The following DDAH1 variants were observed in gnomAD, a reference collection of about 807,000 sequenced individuals.
DDAH1 encodes dimethylarginine dimethylaminohydrolase 1.
In DDAH1, 19 loss-of-function variants were observed where a neutral mutation model predicts 28.8. The observed-to-expected ratio is 0.66, with a 90% confidence interval of 0.46 to 0.97. The LOEUF (loss-of-function observed/expected upper bound fraction) is 0.97, where lower values mean the gene tolerates loss of function less well. DDAH1 is among the 50% of genes least tolerant of loss of function. DDAH1 has a pLI of 0.00. For missense variants in DDAH1, 326 were observed against 375.9 expected (o/e 0.87, Z 1.10); for synonymous variants, 153 against 154.4 (o/e 0.99, Z 0.07).
chr1:85,510,232 T>A (rs1196982444), intron 1 of DDAH1, among the ~76,000 whole-genome samples: 1 of 152,168 alleles, frequency 6.6e-6, no homozygotes, highest in Non-Finnish European at 1.5e-5. Flanking sequence ...ACCCAGAATT[T>A]CACATCCAGT....
intron 1 of DDAH1, among the ~76,000 whole-genome samples, chr1:85,381,377 C>T (rs1650980805): frequency 6.7e-6 from 1 of 149,790 alleles, no homozygotes; most frequent in South Asian, 2.1e-4. Flanking sequence ...TTTGGGGGAG[C>T]AGGTGATTTT....
chr1:85,456,777 C>A (rs1654900042), intron 1 of DDAH1, among the ~76,000 whole-genome samples: 1 of 152,286 alleles, frequency 6.6e-6, no homozygotes, highest in Non-Finnish European at 1.5e-5. Context: ...TCCTGATACA[C>A]CCTCATGTAA....
intron 1 of DDAH1, among the ~76,000 whole-genome samples, chr1:85,527,648 G>A (rs1657921409): frequency 6.6e-6 from 1 of 152,008 alleles, no homozygotes; most frequent in Non-Finnish European, 1.5e-5. Flanking sequence ...CTAATGAGAG[G>A]GTAGGTACTA....
At chr1:85,476,215 T>C (rs1405653676) in intron 2 of DDAH1, among the ~76,000 whole-genome samples, 1 of 152,226 alleles carries the variant, frequency 6.6e-6, no homozygotes. Context: ...CTTTCTCCTC[T>C]GAATTATCTT....
intron 1 of DDAH1, among the ~76,000 whole-genome samples, chr1:85,395,631 C>A (rs1651773817): frequency 6.6e-6 from 1 of 150,840 alleles, no homozygotes; most frequent in Non-Finnish European, 1.5e-5. Context: ...GAGATCGCAC[C>A]ATTGCACTCC....
chr1:85,556,934 T>C (rs1007923641), intron 1 of DDAH1, among the ~76,000 whole-genome samples: 7 of 152,186 alleles, frequency 4.6e-5, no homozygotes, highest in Non-Finnish European at 1.0e-4. Flanking sequence ...CTGGCCAACA[T>C]GGTGAAATCC....
At chr1:85,502,376 A>G (rs1656851103) in intron 1 of DDAH1, among the ~76,000 whole-genome samples, 1 of 152,228 alleles carries the variant, frequency 6.6e-6, no homozygotes, top group East Asian at 1.9e-4. Flanking sequence ...ATTCTTGAGA[A>G]TGATACTGAA....
intron 1 of DDAH1, among the ~76,000 whole-genome samples, chr1:85,373,566 C>T (rs1269406528): frequency 6.6e-6 from 1 of 152,022 alleles, no homozygotes; most frequent in African/African-American, 2.4e-5. Flanking sequence ...TTCCTGTTAC[C>T]TTGTGAAGAA....
chr1:85,410,061 ACTTGAGC>A (rs1652576879), intron 1 of DDAH1, among the ~76,000 whole-genome samples: 1 of 151,960 alleles, frequency 6.6e-6, no homozygotes, highest in African/African-American at 2.4e-5. Context: ...CGGGAGGATC[ACTTGAGC>A]CCAGGAGTTC....
Position 85,360,670 on chromosome 1 carries a change from G to A in DDAH1, c.304-1823C>T, listed in dbSNP as rs540335354. Among the ~76,000 whole-genome samples the A allele has an allele frequency of 3.9e-5, 6 of 152,246 alleles. No homozygotes were observed. The South Asian group carries it at 1.2e-3, about 32-fold the overall frequency. ...AATAACATAAATTTTGGTTTGAAAA[G>A]TTTGTATGTAACTATGCAACATTTC... is the stretch of plus-strand genomic sequence containing the variant. On this transcript the variant is annotated intron_variant, in intron 1 of 5. Transcript: ENST00000284031.
intron 1 of DDAH1, among the ~76,000 whole-genome samples, chr1:85,382,699 C>T (rs1370001593): frequency 6.6e-6 from 1 of 152,214 alleles, no homozygotes; most frequent in African/African-American, 2.4e-5. Context: ...AGCTTCAAAA[C>T]ACAGGCTGAC....
intron 2 of DDAH1, among the ~76,000 whole-genome samples, chr1:85,472,311 TA>T (rs1354093559): frequency 1.3e-5 from 2 of 152,210 alleles, no homozygotes; most frequent in Non-Finnish European, 2.9e-5. Flanking sequence ...CATTAGATCA[TA>T]CCTTTTTGGT....
intron 1 of DDAH1, among the ~76,000 whole-genome samples, chr1:85,368,352 T>C (rs1295437667): frequency 2.0e-5 from 3 of 152,166 alleles, no homozygotes; most frequent in South Asian, 4.1e-4. Context: ...AAAAGCACTC[T>C]GGACAAAACT....
At chr1:85,329,538 T>C (rs1647635497) in intron 4 of DDAH1, among the ~76,000 whole-genome samples, 1 of 152,214 alleles carries the variant, frequency 6.6e-6, no homozygotes, top group Non-Finnish European at 1.5e-5. Flanking sequence ...TTTAGAATTA[T>C]TTGAGGACAG....
chr1:85,462,529 A>G (rs939113989), intron 1 of DDAH1, among the ~76,000 whole-genome samples: 6 of 152,222 alleles, frequency 3.9e-5, no homozygotes, highest in African/African-American at 1.4e-4. Context: ...TGCAGACATC[A>G]CATGAAAAAA....
At chr1:85,376,024 T>C (rs1040024886) in intron 1 of DDAH1, among the ~76,000 whole-genome samples, 1 of 152,174 alleles carries the variant, frequency 6.6e-6, no homozygotes, top group Admixed American at 6.6e-5. Context: ...TCATAGGAAG[T>C]GAGAAAGCAA....
chr1:85,371,360 A>C (rs2100886527), intron 1 of DDAH1, among the ~76,000 whole-genome samples: 1 of 152,290 alleles, frequency 6.6e-6, no homozygotes, highest in East Asian at 1.9e-4. Flanking sequence ...GCACAGCAGC[A>C]CATGTCTGAA....
chr1:85,404,135 G>A (rs567419947), intron 1 of DDAH1, among the ~76,000 whole-genome samples: 1 of 152,152 alleles, frequency 6.6e-6, no homozygotes, highest in South Asian at 2.1e-4. Context: ...AAAGGCTTAT[G>A]GAATTTTTCT....
chr1:85,324,031 AGGCCCAGGC>A (rs1186341070), intron 5 of DDAH1, among the ~76,000 whole-genome samples: 2 of 151,066 alleles, frequency 1.3e-5, no homozygotes, highest in African/African-American at 4.9e-5. Flanking sequence ...GCACTTTAGG[AGGCCCAGGC>A]GGGCAGACTG....
Sources: gnomAD v4.1 joint callset for allele counts (sites outside exome capture counted in the v4.1 genomes callset) on GRCh38, gnomAD v4.1.1 for gene constraint, MANE v1.5 for transcripts, NCBI Gene and HGNC (gene_info 2026-07-23, HGNC 2026-07-21) for gene names.